ESRRB: variants seen among roughly 807,000 people sequenced by gnomAD.
ESRRB encodes steroid hormone receptor ERR2.
A neutral mutation model predicts 46.0 loss-of-function variants in ESRRB; 16 were observed. The ratio of observed to expected loss-of-function variants is 0.35; its 90% CI spans 0.24 to 0.53. The LOEUF (loss-of-function observed/expected upper bound fraction) is 0.53. ESRRB is among the 20% of genes least tolerant of loss of function. The probability of loss-of-function intolerance (pLI) is 0.93; values close to 1 mark genes in which losing one functional copy is unlikely to be tolerated. For synonymous variants in ESRRB, 246 were observed against 259.6 expected (o/e 0.95, Z 0.50); for missense variants, 488 against 607.4 (o/e 0.80, Z 2.07).
chr14:76,319,742 G>T (rs974062485), intron 1 of ESRRB, among the ~76,000 whole-genome samples: 1 of 152,154 alleles, frequency 6.6e-6, no homozygotes, highest in Non-Finnish European at 1.5e-5. Flanking sequence ...AACATGGTTG[G>T]TGGTGGTGTC....
intron 1 of ESRRB, among the ~76,000 whole-genome samples, chr14:76,401,318 T>C (rs562402502): frequency 6.6e-6 from 1 of 152,284 alleles, no homozygotes; most frequent in South Asian, 2.1e-4. Context: ...AACACCTCAG[T>C]GTCACCCAGC....
intron 1 of ESRRB, among the ~76,000 whole-genome samples, chr14:76,431,217 G>C (rs1887428019): frequency 6.6e-6 from 1 of 152,166 alleles, no homozygotes. Flanking sequence ...ATCACTTAAA[G>C]CTGAGAGGTG....
At chr14:76,478,484 TG>T (rs1398200263) in intron 3 of ESRRB, among the ~76,000 whole-genome samples, 3 of 152,034 alleles carry the variant, frequency 2.0e-5, no homozygotes, top group African/African-American at 7.2e-5. Context: ...GACAGCTGCT[TG>T]CCGGGAAGCA....
chr14:76,394,339 A>G (rs1885588323), intron 1 of ESRRB, among the ~76,000 whole-genome samples: 1 of 152,078 alleles, frequency 6.6e-6, no homozygotes, highest in Admixed American at 6.5e-5. Flanking sequence ...CAATAGTAAT[A>G]TTTGCTAACA....
intron 3 of ESRRB, among the ~76,000 whole-genome samples, chr14:76,476,821 T>C (rs1889603544): frequency 6.6e-6 from 1 of 152,226 alleles, no homozygotes; most frequent in African/African-American, 2.4e-5. Flanking sequence ...TTGCCACACC[T>C]GTAGGCTTCA....
At chr14:76,448,173 G>T (rs1353314826) in intron 2 of ESRRB, among the ~76,000 whole-genome samples, 3 of 152,158 alleles carry the variant, frequency 2.0e-5, no homozygotes, top group Admixed American at 6.5e-5. Context: ...CTCCAGGAAG[G>T]CTTCTCTGAT....
chr14:76,452,625 A>AC (rs1336024325), intron 2 of ESRRB, among the ~76,000 whole-genome samples: 2 of 57,346 alleles, frequency 3.5e-5, no homozygotes, highest in African/African-American at 1.8e-4. Flanking sequence ...GTCTCCAAAA[A>AC]AAAAAACAAA....
intron 1 of ESRRB, among the ~76,000 whole-genome samples, chr14:76,415,321 A>G (rs1886650233): frequency 6.6e-6 from 1 of 152,202 alleles, no homozygotes; most frequent in Non-Finnish European, 1.5e-5. Flanking sequence ...CTATGTGCTG[A>G]GTACAGTGGT....
chr14:76,453,409 T>C (rs1287868427), intron 2 of ESRRB, among the ~76,000 whole-genome samples: 1 of 152,140 alleles, frequency 6.6e-6, no homozygotes, highest in Non-Finnish European at 1.5e-5. Flanking sequence ...GTGAACACTT[T>C]CTTAACAAAG....
At chr14:76,353,255 G>A (rs550492845) in intron 1 of ESRRB, among the ~76,000 whole-genome samples, 48 of 152,334 alleles carry the variant, frequency 3.2e-4, no homozygotes, top group African/African-American at 1.1e-3. Flanking sequence ...CCTCAAAGGA[G>A]GGAGTTTAGC....
At chr14:76,350,886 G>C (rs1026018915) in intron 1 of ESRRB, among the ~76,000 whole-genome samples, 1 of 152,210 alleles carries the variant, frequency 6.6e-6, no homozygotes, top group Non-Finnish European at 1.5e-5. Context: ...ATGAGGCTTT[G>C]GCAGTGCTGA....
intron 1 of ESRRB, among the ~76,000 whole-genome samples, chr14:76,323,367 T>A (rs1883891218): frequency 6.7e-6 from 1 of 149,082 alleles, no homozygotes. Flanking sequence ...TGGAGTGGAG[T>A]GGTAGGAACA....
intron 5 of ESRRB, among the ~76,000 whole-genome samples, chr14:76,487,521 T>G (rs1235953658): frequency 6.6e-6 from 1 of 152,160 alleles, no homozygotes; most frequent in Non-Finnish European, 1.5e-5. Context: ...TTTTTTCTAT[T>G]TTGAATCATT....
intron 1 of ESRRB, among the ~76,000 whole-genome samples, chr14:76,356,472 T>C (rs1052738029): frequency 2.6e-5 from 4 of 152,150 alleles, no homozygotes; most frequent in Non-Finnish European, 5.9e-5. Context: ...CCCCAAAGCC[T>C]GTGCTCTATG....
intron 1 of ESRRB, chr14:76,310,985 T>C (rs1338616191): frequency 5.2e-6 from 1 of 191,502 alleles, no homozygotes. Context: ...CCTTTCTCTC[T>C]CTCTCTCTCT....
chr14:76,323,310 T>C lies in ESRRB; in HGVS notation c.2+12394T>C, dbSNP rs1200867112. ...GGTCTCTCTCTCTCTCTTTCTCTTT[T>C]TTTTTTTTTTTTCTTTTGAGAGAGG... On this transcript the variant is annotated intron_variant, in intron 1 of 6. Transcript: ENST00000512784. Among the ~76,000 whole-genome samples, 721 of 151,486 alleles carry C rather than the reference T, an allele frequency of 4.8e-3. 4 individuals carry two copies. The highest frequency in any genetic ancestry group is 0.016 in the African/African-American group (662 of 41,320).
At chr14:76,455,473 G>A (rs74068661) in intron 2 of ESRRB, among the ~76,000 whole-genome samples, 8,326 of 151,882 alleles carry the variant, frequency 0.055, 729 homozygotes, top group African/African-American at 0.19. Flanking sequence ...GTCCCAATAT[G>A]GTAATATCAC....
chr14:76,495,149 T>C (rs1413048211), intron 6 of ESRRB, among the ~76,000 whole-genome samples: 1 of 152,132 alleles, frequency 6.6e-6, no homozygotes, highest in Non-Finnish European at 1.5e-5. Flanking sequence ...CATGTGTATA[T>C]AGACATACAC....
upstream of ESRRB, among the ~76,000 whole-genome samples, chr14:76,368,126 C>CGT (rs1407095233): frequency 4.0e-5 from 5 of 124,228 alleles, no homozygotes; most frequent in African/African-American, 1.6e-4. Context: ...CTAATTTTTC[C>CGT]TTTTTTTTTT....
Sources: allele counts gnomAD v4.1 joint callset (sites outside exome capture counted in the v4.1 genomes callset), GRCh38; gene constraint gnomAD v4.1.1; transcripts MANE v1.5; gene names NCBI Gene and HGNC (gene_info 2026-07-23, HGNC 2026-07-21).